Variants in NAALADL2 observed in about 807,000 individuals in gnomAD.
NAALADL2 encodes inactive N-acetylated-alpha-linked acidic dipeptidase-like protein 2.
Under a neutral mutation model 87.2 loss-of-function variants are expected in NAALADL2, and 76 were observed. The ratio of observed to expected loss-of-function variants is 0.87; its 90% CI spans 0.72 to 1.05. NAALADL2 has a LOEUF of 1.05. Among genes scored for constraint, NAALADL2 ranks in the 50% least tolerant of loss-of-function variants. NAALADL2 has a pLI of 0.00. For missense variants in NAALADL2, 1,089 were observed against 945.8 expected, an observed-to-expected ratio of 1.15 and a Z score of -1.99; for synonymous variants, 354 against 331.0, an observed-to-expected ratio of 1.07 and a Z score of -0.75.
In NAALADL2 at chr3:175,600,381, G is replaced by C. The variant is rs548494550; in HGVS notation, c.1800+24194G>C. 2.4e-4 allele frequency among the ~76,000 whole-genome samples: 37 copies of C among 151,978 alleles called. 1 individual carries two copies. The South Asian group carries it at 6.6e-3, about 27-fold the overall frequency. On this transcript the variant is annotated intron_variant, in intron 10 of 13. Coordinates refer to ENST00000454872, the MANE Select transcript of NAALADL2 (RefSeq NM_207015.3). The stretch of plus-strand genomic sequence containing the variant: ...TTAAGGTATAAACTATCAGTGAAAA[G>C]TATTAGATGAGCTCTTGGAGAGATA...
At chr3:175,118,507 C>T (rs972612500) in intron 2 of NAALADL2, among the ~76,000 whole-genome samples, 2 of 151,664 alleles carry the variant, frequency 1.3e-5, no homozygotes, top group African/African-American at 4.8e-5. Context: ...TTAATGAGAA[C>T]AGCAGGCAGG....
At chr3:175,323,327 G>A (rs1482006637) in intron 4 of NAALADL2, among the ~76,000 whole-genome samples, 2 of 127,404 alleles carry the variant, frequency 1.6e-5, no homozygotes, top group Non-Finnish European at 3.2e-5. Context: ...ATCACACTCT[G>A]GGGACTGTGG....
chr3:174,642,507 TAAA>T (rs10576356), intron 2 of NAALADL2, among the ~76,000 whole-genome samples: 26,886 of 122,532 alleles, frequency 0.22, 3,007 homozygotes, highest in African/African-American at 0.33. Context: ...TCTCTGGGGA[TAAA>T]AAAAAAAAAA....
At chr3:174,895,332 A>G (rs1163481313) in intron 1 of NAALADL2, among the ~76,000 whole-genome samples, 3 of 152,100 alleles carry the variant, frequency 2.0e-5, no homozygotes, top group Non-Finnish European at 4.4e-5. Flanking sequence ...TAAAAATAGA[A>G]ATGAAAAAGG....
chr3:175,324,073 T>G, intron 4 of NAALADL2, 102 bp from the exon 5 acceptor site: 3 of 713,562 alleles, frequency 4.2e-6, no homozygotes, highest in South Asian at 2.7e-5. Context: ...AAAAAAAAAC[T>G]GGAAAAAGAG....
At chr3:174,535,113 G>A (rs1326456129) in intron 1 of NAALADL2, among the ~76,000 whole-genome samples, 3 of 152,282 alleles carry the variant, frequency 2.0e-5, no homozygotes, top group East Asian at 3.9e-4. Context: ...AAGCAGTTTT[G>A]TTTATGAGCT....
At chr3:174,684,115 T>C (rs1727813037) in intron 2 of NAALADL2, among the ~76,000 whole-genome samples, 1 of 152,026 alleles carries the variant, frequency 6.6e-6, no homozygotes. Context: ...CACACCCTCC[T>C]TACTTCCTTG....
intron 4 of NAALADL2, among the ~76,000 whole-genome samples, chr3:175,257,597 G>A (rs982395335): frequency 4.6e-5 from 7 of 151,394 alleles, no homozygotes; most frequent in Non-Finnish European, 8.8e-5. Flanking sequence ...AGGGTGGGGG[G>A]GCACACAGAG....
At chr3:175,579,853 A>T (rs747279036) in intron 10 of NAALADL2, among the ~76,000 whole-genome samples, 1 of 150,112 alleles carries the variant, frequency 6.7e-6, no homozygotes, top group Non-Finnish European at 1.5e-5. Context: ...TATTCTCTAC[A>T]GGGCATGCCA....
chr3:174,997,062 T>A (rs58333752), intron 1 of NAALADL2, among the ~76,000 whole-genome samples: 10,313 of 142,310 alleles, frequency 0.072, 423 homozygotes, highest in East Asian at 0.19. Flanking sequence ...ATATATATTT[T>A]TTTTTTTAAT....
chr3:175,160,360 C>CTTTTTTCTTT (rs1732977064), intron 2 of NAALADL2, among the ~76,000 whole-genome samples: 1 of 57,036 alleles, frequency 1.8e-5, no homozygotes, highest in Non-Finnish European at 3.7e-5. Flanking sequence ...TCTTTTCTTT[C>CTTTTTTCTTT]TTTTTTTTTT....
In NAALADL2 at chr3:174,747,037, A is replaced by AGCAACAAAAGCAATT. The variant is rs1236694723; in HGVS notation, c.-9+9305_-9+9319dup. On this transcript the variant is annotated intron_variant, in intron 3 of 3. Coordinates refer to the NAALADL2 transcript ENST00000434257. The stretch of plus-strand genomic sequence containing the variant: ...GCACAGGCAAAGATTTCATGAGAAA[A>AGCAACAAAAGCAATT]GCAACAAAAGCAATTGCAACAAAAG... Among the ~76,000 whole-genome samples the AGCAACAAAAGCAATT allele has an allele frequency of 2.0e-5, 3 of 152,212 alleles. No individual in the cohort carries two copies. The East Asian group carries it at 5.8e-4, about 29-fold the overall frequency.
intron 2 of NAALADL2, among the ~76,000 whole-genome samples, chr3:174,690,664 A>G (rs1728491577): frequency 6.6e-6 from 1 of 152,190 alleles, no homozygotes; most frequent in African/African-American, 2.4e-5. Flanking sequence ...CAAAGAATTG[A>G]ATGATGCCTG....
intron 3 of NAALADL2, among the ~76,000 whole-genome samples, chr3:174,819,836 A>G (rs903735748): frequency 1.3e-5 from 2 of 152,228 alleles, no homozygotes; most frequent in African/African-American, 4.8e-5. Flanking sequence ...CGTGTTCATG[A>G]GCCATTTTCA....
chr3:174,817,948 T>C (rs145866415), intron 3 of NAALADL2, among the ~76,000 whole-genome samples: 1 of 152,186 alleles, frequency 6.6e-6, no homozygotes, highest in Non-Finnish European at 1.5e-5. Context: ...CCCATATATT[T>C]CTATAGTAAC....
intron 11 of NAALADL2, among the ~76,000 whole-genome samples, chr3:175,735,721 A>G (rs1426329183): frequency 6.6e-6 from 1 of 152,148 alleles, no homozygotes; most frequent in African/African-American, 2.4e-5. Context: ...TCAGTCATCT[A>G]TTACCAGGTC....
At chr3:175,099,371 G>T (rs1326947147) in intron 2 of NAALADL2, among the ~76,000 whole-genome samples, 1 of 152,122 alleles carries the variant, frequency 6.6e-6, no homozygotes, top group Non-Finnish European at 1.5e-5. Context: ...CTAGTACTCT[G>T]TAGTTAGACA....
chr3:175,160,261 G>T (rs1219294578), intron 2 of NAALADL2, among the ~76,000 whole-genome samples: 2 of 142,790 alleles, frequency 1.4e-5, no homozygotes, highest in African/African-American at 2.6e-5. Context: ...TTGATCTTTT[G>T]TTTAAATTTG....
intron 3 of NAALADL2, among the ~76,000 whole-genome samples, chr3:175,246,626 T>C (rs1246706257): frequency 6.6e-6 from 1 of 152,198 alleles, no homozygotes; most frequent in Non-Finnish European, 1.5e-5. Flanking sequence ...TTTCCTGACT[T>C]AGTTACTTTT....
Sources: allele counts gnomAD v4.1 joint callset (sites outside exome capture counted in the v4.1 genomes callset), GRCh38; gene constraint gnomAD v4.1.1; transcripts MANE v1.5; gene names NCBI Gene and HGNC (gene_info 2026-07-23, HGNC 2026-07-21).